Variants in FRMD3 observed in about 807,000 individuals in gnomAD.
FRMD3 encodes FERM domain containing 3.
FRMD3 carries 33 observed loss-of-function variants against 70.2 expected under a neutral mutation model. The ratio of observed to expected loss-of-function variants is 0.47; its 90% CI spans 0.36 to 0.63. The LOEUF (loss-of-function observed/expected upper bound fraction) is 0.63. Among genes scored for constraint, FRMD3 ranks in the 20% least tolerant of loss-of-function variants. The probability of loss-of-function intolerance (pLI) is 0.00; values close to 1 mark genes in which losing one functional copy is unlikely to be tolerated. For missense variants in FRMD3, 632 were observed against 711.4 expected (o/e 0.89, Z 1.27); for synonymous variants, 279 against 255.9 (o/e 1.09, Z -0.86).
chr9:83,490,784 TC>T (rs1564102024), intron 1 of FRMD3, among the ~76,000 whole-genome samples: 1 of 128,582 alleles, frequency 7.8e-6, no homozygotes, highest in Non-Finnish European at 1.6e-5. Context: ...TCTCTCTCTC[TC>T]TCTCTCTCTC....
intron 6 of FRMD3, among the ~76,000 whole-genome samples, chr9:83,323,391 A>C (rs1425068725): frequency 6.6e-6 from 1 of 152,228 alleles, no homozygotes; most frequent in East Asian, 1.9e-4. Context: ...CATTGAACAA[A>C]AGAAGCCAAA....
intron 1 of FRMD3, among the ~76,000 whole-genome samples, chr9:83,457,621 C>A (rs1468543004): frequency 6.6e-6 from 1 of 152,168 alleles, no homozygotes; most frequent in Non-Finnish European, 1.5e-5. Flanking sequence ...AGTTGTTATA[C>A]AGCATTGTTT....
chr9:83,455,112 T>C (rs552900410), intron 1 of FRMD3, among the ~76,000 whole-genome samples: 2 of 152,304 alleles, frequency 1.3e-5, no homozygotes, highest in Non-Finnish European at 2.9e-5. Context: ...CAAGAAGATA[T>C]AAAGAAAAAT....
At chr9:83,563,575 T>G in the FRMD3 span, among the ~76,000 whole-genome samples, 1,711 of 152,136 alleles carry the variant, frequency 0.011, 34 homozygotes, top group African/African-American at 0.039. Context: ...TTCCTCTGGT[T>G]CCATTACCAT....
chr9:83,312,149 G>A (rs1835385842), intron 7 of FRMD3, among the ~76,000 whole-genome samples, 174 bp from the exon 8 acceptor site: 1 of 152,176 alleles, frequency 6.6e-6, no homozygotes, highest in Non-Finnish European at 1.5e-5. Context: ...GCCTTTCAAA[G>A]TCTGGGTGAA....
At chr9:83,442,254 CT>C (rs57472225) in intron 1 of FRMD3, among the ~76,000 whole-genome samples, 7,745 of 121,472 alleles carry the variant, frequency 0.064, 142 homozygotes, top group East Asian at 0.14. Flanking sequence ...TTATACAGAT[CT>C]TTTTTTTTTT....
At chr9:83,439,493 A>C (rs1420683764) in intron 1 of FRMD3, among the ~76,000 whole-genome samples, 1 of 152,250 alleles carries the variant, frequency 6.6e-6, no homozygotes, top group East Asian at 1.9e-4. Context: ...ACAGAACTCC[A>C]AAGCACCTAT....
intron 5 of FRMD3, among the ~76,000 whole-genome samples, chr9:83,341,230 A>G (rs545274927): frequency 6.6e-6 from 1 of 152,236 alleles, no homozygotes; most frequent in East Asian, 1.9e-4. Flanking sequence ...TGCATTTGAG[A>G]GCCAAAAGGT....
At chr9:83,580,454 A>C in the FRMD3 span, among the ~76,000 whole-genome samples, 1 of 152,152 alleles carries the variant, frequency 6.6e-6, no homozygotes, top group African/African-American at 2.4e-5. Flanking sequence ...CAATTCTGTC[A>C]CTTGAAACAA....
At chr9:83,373,595 G>A (rs563435994) in intron 2 of FRMD3, among the ~76,000 whole-genome samples, 1 of 152,308 alleles carries the variant, frequency 6.6e-6, no homozygotes, top group African/African-American at 2.4e-5. Flanking sequence ...GGCATTTGAA[G>A]TAGGCACCAC....
At position 83,367,679 on chromosome 9, in the gene FRMD3, C is replaced by G. The variant is rs149722508; in HGVS notation, c.295+5234G>C. On this transcript the variant is annotated intron_variant, in intron 3 of 13. Coordinates refer to ENST00000304195, the MANE Select transcript of FRMD3 (RefSeq NM_174938.6). ...GAAGTGCTGGCTGCAACAGTAGGAACAGCAAATGTGCTGGAGATTTCTTTT... is the reference window on the plus strand; with the variant it reads ...GAAGTGCTGGCTGCAACAGTAGGAAGAGCAAATGTGCTGGAGATTTCTTTT... Among the ~76,000 whole-genome samples the G allele has an allele frequency of 2.6e-5, 4 of 152,328 alleles. No homozygotes were observed. In the East Asian group the frequency reaches 7.7e-4, roughly 29 times the overall value.
chr9:83,521,201 A>G (rs1300555756), intron 1 of FRMD3, among the ~76,000 whole-genome samples: 1 of 152,052 alleles, frequency 6.6e-6, no homozygotes, highest in Non-Finnish European at 1.5e-5. Flanking sequence ...TTGCTTCATC[A>G]CTGAAGGTCA....
chr9:83,324,672 C>G (rs1035919299), intron 6 of FRMD3, among the ~76,000 whole-genome samples: 16 of 152,138 alleles, frequency 1.1e-4, no homozygotes, highest in African/African-American at 3.4e-4. Flanking sequence ...TCCACAATTC[C>G]AAGCAGCATA....
chr9:83,294,688 A>T (rs2118996669), intron 12 of FRMD3, among the ~76,000 whole-genome samples: 1 of 152,292 alleles, frequency 6.6e-6, no homozygotes, highest in Non-Finnish European at 1.5e-5. Flanking sequence ...GTGACTAAAG[A>T]CGCTTATATG....
chr9:83,366,767 G>A (rs1278666084), intron 3 of FRMD3, among the ~76,000 whole-genome samples: 1 of 152,190 alleles, frequency 6.6e-6, no homozygotes, highest in East Asian at 1.9e-4. Flanking sequence ...TATAATTTGA[G>A]CAGCTACAAA....
intron 13 of FRMD3, among the ~76,000 whole-genome samples, chr9:83,268,591 A>T (rs181539112): frequency 1.6e-4 from 24 of 152,350 alleles, no homozygotes; most frequent in African/African-American, 5.1e-4. Context: ...ATGTGAGAAA[A>T]TGCTTGCAAT....
rs938099644 is a variant in FRMD3 at position 83,488,793 on chromosome 9, T to C, written c.147+49292A>G. Among the ~76,000 whole-genome samples the C allele has an allele frequency of 7.2e-5, 11 of 152,254 alleles. 5 individuals carry two copies. The highest frequency in any genetic ancestry group is 7.2e-4 in the Admixed American group (11 of 15,294). On this transcript the variant is annotated intron_variant, in intron 1 of 13. Coordinates refer to ENST00000304195, the MANE Select transcript of FRMD3 (RefSeq NM_174938.6). ...CACCGCCCCATTAAATGTTGACTGA[T>C]TAATTAAAGAGCATGAATGATAAAT... is the stretch of plus-strand genomic sequence containing the variant.
intron 12 of FRMD3, among the ~76,000 whole-genome samples, chr9:83,294,264 A>T (rs573219959): frequency 1.3e-5 from 2 of 152,216 alleles, no homozygotes; most frequent in Non-Finnish European, 2.9e-5. Flanking sequence ...CCAGATGCTC[A>T]ATCTGCTGGT....
intron 2 of FRMD3, among the ~76,000 whole-genome samples, chr9:83,383,580 G>T (rs1202640556): frequency 6.6e-6 from 1 of 152,150 alleles, no homozygotes; most frequent in Non-Finnish European, 1.5e-5. Flanking sequence ...TGCTGTTCTT[G>T]CCTGCTGGAA....
Sources: gnomAD v4.1 joint callset for allele counts (sites outside exome capture counted in the v4.1 genomes callset) on GRCh38, gnomAD v4.1.1 for gene constraint, MANE v1.5 for transcripts, NCBI Gene and HGNC (gene_info 2026-07-23, HGNC 2026-07-21) for gene names.